Variants in RREB1 observed in about 807,000 individuals in gnomAD.
The protein encoded by RREB1 is ras-responsive element-binding protein 1.
RREB1 carries 27 observed loss-of-function variants against 117.8 expected under a neutral mutation model. The ratio of observed to expected loss-of-function variants is 0.23; its 90% CI spans 0.17 to 0.32. The LOEUF is 0.32. Among genes scored for constraint, RREB1 ranks in the 10% least tolerant of loss-of-function variants. The pLI is 1.00. For missense variants in RREB1, 2,577 were observed against 2,378.2 expected (o/e 1.08, Z -1.74); for synonymous variants, 1,298 against 1,026.7 (o/e 1.26, Z -5.05).
intron 1 of RREB1, among the ~76,000 whole-genome samples, chr6:7,138,061 C>G (rs573747976): frequency 6.6e-6 from 1 of 152,264 alleles, no homozygotes; most frequent in Admixed American, 6.5e-5. Context: ...GACTTTTACA[C>G]CTCAGTCAGA....
In RREB1 at chr6:7,250,111, T is replaced by G. The variant is rs935449794; in HGVS notation, c.*1143T>G. ...AACAGGCATCAAGAAGCCAGGGCCG[T>G]GCCTGGAGCACTGCAGAGATGACTT... On this transcript the variant is annotated 3_prime_UTR_variant, in exon 13 of 13. Coordinates refer to ENST00000379938, the MANE Select transcript of RREB1 (RefSeq NM_001003699.4). 6.6e-6 allele frequency: 1 copy of G among 152,616 alleles called. No homozygotes were observed. The highest frequency in any genetic ancestry group is 1.5e-5 in the Non-Finnish European group (1 of 68,060). 9.5% of individuals were successfully genotyped at this position (152,616 alleles called of 1,614,324 possible).
Position 7,229,536 on chromosome 6 carries a change from G to C in RREB1, c.1437G>C (p.Ser479=), listed in dbSNP as rs760414247. ...AGCAAATTCTGAAGATGGCAGCCTC[G>C]GCTCCCCCTCAGATCAGTCTTCCGC... ...DIQQILKMAA[S]APPQISLPPF... is the part of the protein sequence containing the mutation. The change falls in exon 10 of 13, where the codon TCG becomes TCC. Residue 479 remains serine (S), a synonymous_variant. Coordinates refer to ENST00000379938, the MANE Select transcript of RREB1 (RefSeq NM_001003699.4). The surrounding 1 kb of genome is among the most constrained non-coding windows in gnomAD (Gnocchi z 4.5). 2 of 1,614,002 alleles carry C rather than the reference G, an allele frequency of 1.2e-6. No individual in the cohort carries two copies. Among genetic ancestry groups the C allele is most frequent in the African/African-American group, 1.3e-5 (1 of 75,018 alleles).
intron 3 of RREB1, 107 bp from the exon 4 acceptor site, chr6:7,181,763 G>C (rs1581501237): frequency 1.3e-6 from 1 of 799,152 alleles, no homozygotes; most frequent in Non-Finnish European, 2.1e-6. Context: ...GACAGCGTTG[G>C]ATGTTTTTGA....
In RREB1 at chr6:7,230,693, C is replaced by A. The variant is rs202213916; in HGVS notation, c.2594C>A (p.Pro865His). The change falls in exon 10 of 13, where the codon CCC (proline) becomes CAC (histidine). Residue 865 changes from proline (P) to histidine (H), a missense_variant. Coordinates refer to ENST00000379938, the MANE Select transcript of RREB1 (RefSeq NM_001003699.4). ...AAGCCCCTCACTGCCTTCCTGGAAC[C>A]CCAGAACGGCTTTCTTCACAGGGGC... The part of the protein sequence containing the change: ...DCKPLTAFLE[P>H]QNGFLHRGPT... 6.3e-7 allele frequency: 1 copy of A among 1,593,664 alleles called. No homozygotes were observed. Among genetic ancestry groups the A allele is most frequent in the African/African-American group, 1.3e-5 (1 of 74,330 alleles).
At chr6:7,125,987 T>TTTTTGTTTGTTTG (rs111854148) in intron 1 of RREB1, among the ~76,000 whole-genome samples, 1 of 150,688 alleles carries the variant, frequency 6.6e-6, no homozygotes. Flanking sequence ...AAGGACTGTT[T>TTTTTGTTTGTTTG]TTTGTTTGTT....
At chr6:7,244,832 G>A (rs1768911898) in intron 11 of RREB1, among the ~76,000 whole-genome samples, 1 of 152,144 alleles carries the variant, frequency 6.6e-6, no homozygotes, top group Non-Finnish European at 1.5e-5. Flanking sequence ...CTCAGGACGG[G>A]GCAGAACCAG....
chr6:7,162,702 A>G (rs915110880), intron 1 of RREB1, among the ~76,000 whole-genome samples: 1 of 151,982 alleles, frequency 6.6e-6, no homozygotes, highest in Non-Finnish European at 1.5e-5. Flanking sequence ...TTAAGCCACT[A>G]ATTTTAACAA....
intron 1 of RREB1, among the ~76,000 whole-genome samples, chr6:7,138,108 A>T (rs936285102): frequency 5.9e-5 from 9 of 152,216 alleles, no homozygotes; most frequent in Non-Finnish European, 1.3e-4. Context: ...TAACTCAAGG[A>T]TGTTAAAGAC....
intron 1 of RREB1, among the ~76,000 whole-genome samples, chr6:7,165,489 T>A (rs751745803): frequency 2.6e-5 from 4 of 152,358 alleles, no homozygotes; most frequent in Non-Finnish European, 5.9e-5. Context: ...GGACTTGGTT[T>A]CAAAAGTATG....
chr6:7,213,982 C>T (rs1343709424), intron 8 of RREB1: 2 of 152,290 alleles, frequency 1.3e-5, no homozygotes, highest in Non-Finnish European at 2.9e-5. Flanking sequence ...GCGATAGAGG[C>T]AGATCAGGTG....
intron 2 of RREB1, among the ~76,000 whole-genome samples, chr6:7,177,076 A>G (rs1312962115): frequency 6.6e-6 from 1 of 151,890 alleles, no homozygotes; most frequent in Non-Finnish European, 1.5e-5. Context: ...AAAATTAGCC[A>G]GGCGTGGTGG....
At chr6:7,224,990 C>T (rs571706612) in intron 8 of RREB1, among the ~76,000 whole-genome samples, 83 of 152,148 alleles carry the variant, frequency 5.5e-4, no homozygotes, top group African/African-American at 1.9e-3. Flanking sequence ...CTGCTGTGCC[C>T]GCTACAGCGC....
chr6:7,162,116 A>G (rs1196667474), intron 1 of RREB1, among the ~76,000 whole-genome samples: 1 of 152,086 alleles, frequency 6.6e-6, no homozygotes, highest in East Asian at 1.9e-4. Context: ...GTGCACTCTG[A>G]TAGCTCCCAG....
chr6:7,215,711 C>CG (rs1766859664), intron 8 of RREB1: 1 of 152,226 alleles, frequency 6.6e-6, no homozygotes, highest in South Asian at 2.1e-4. Flanking sequence ...ATACCAGTAT[C>CG]ATCAAAATAT....
At chr6:7,126,056 C>T (rs1561730456) in intron 1 of RREB1, among the ~76,000 whole-genome samples, 1 of 152,210 alleles carries the variant, frequency 6.6e-6, no homozygotes, top group Admixed American at 6.5e-5. Context: ...AGCTGGAGTG[C>T]AGTGGCACGA....
At chr6:7,164,182 T>C (rs936368985) in intron 1 of RREB1, among the ~76,000 whole-genome samples, 2 of 151,944 alleles carry the variant, frequency 1.3e-5, no homozygotes, top group African/African-American at 4.8e-5. Flanking sequence ...TTCTGGAGAG[T>C]TGGCGCAGAA....
At chr6:7,216,353 C>T (rs1766899349) in intron 8 of RREB1, 1 of 152,168 alleles carries the variant, frequency 6.6e-6, no homozygotes. Context: ...ACTTAATTTC[C>T]TCTGGGTCAG....
intron 1 of RREB1, among the ~76,000 whole-genome samples, chr6:7,113,199 T>C (rs556120207): frequency 1.3e-5 from 2 of 152,122 alleles, no homozygotes; most frequent in African/African-American, 2.4e-5. Context: ...GCAGACATCA[T>C]GAGGGTGGGT....
chr6:7,200,667 T>C (rs1765921343), intron 6 of RREB1, among the ~76,000 whole-genome samples: 1 of 152,242 alleles, frequency 6.6e-6, no homozygotes, highest in South Asian at 2.1e-4. Context: ...CAAGTTCATG[T>C]TCAGTTATGC....
Sources: gnomAD v4.1 joint callset for allele counts (sites outside exome capture counted in the v4.1 genomes callset) on GRCh38, gnomAD v4.1.1 for gene constraint, Gnocchi (gnomAD v3.1) non-coding constraint, MANE v1.5 for transcripts, NCBI Gene and HGNC (gene_info 2026-07-23, HGNC 2026-07-21) for gene names.